RSBN1L: variants seen among roughly 807,000 people sequenced by gnomAD.
RSBN1L encodes lysine-specific demethylase RSBN1L.
In RSBN1L, 30 loss-of-function variants were observed where a neutral mutation model predicts 67.7. That is an observed-to-expected ratio of 0.44 (90% confidence interval 0.33 to 0.60). RSBN1L has a LOEUF of 0.60. Among genes scored for constraint, RSBN1L ranks in the 20% least tolerant of loss-of-function variants. RSBN1L has a pLI of 0.02. For synonymous variants in RSBN1L, 433 were observed against 387.0 expected (o/e 1.12, Z -1.39); for missense variants, 992 against 1,031.7 (o/e 0.96, Z 0.53).
At chr7:77,751,120 AG>A (rs1424159706) in intron 3 of RSBN1L, among the ~76,000 whole-genome samples, 1 of 151,134 alleles carries the variant, frequency 6.6e-6, no homozygotes, top group Non-Finnish European at 1.5e-5. Flanking sequence ...TATATTCTGT[AG>A]TAGATTGTAG....
chr7:77,768,850 T>C, intron 5 of RSBN1L, 47 bp downstream of exon 5: 1 of 1,563,640 alleles, frequency 6.4e-7, no homozygotes, highest in East Asian at 2.2e-5. Context: ...TGTTTGTATG[T>C]TGGGGTGTGT....
intron 1 of RSBN1L, among the ~76,000 whole-genome samples, chr7:77,698,240 A>G (rs1317799956): frequency 6.6e-6 from 1 of 152,178 alleles, no homozygotes; most frequent in Admixed American, 6.5e-5. Context: ...GCCATCAGGG[A>G]CTCTGGTGCA....
chr7:77,773,411 G>T, intron 6 of RSBN1L, 97 bp downstream of exon 6: 4 of 876,238 alleles, frequency 4.6e-6, no homozygotes, highest in Non-Finnish European at 6.6e-6. Flanking sequence ...TGGGAAAAAA[G>T]TTTCATTTTT....
chr7:77,732,270 A>G (rs1264518805), intron 1 of RSBN1L, among the ~76,000 whole-genome samples: 1 of 152,214 alleles, frequency 6.6e-6, no homozygotes, highest in Non-Finnish European at 1.5e-5. Flanking sequence ...ATTATAGTAA[A>G]CAGTGATGCC....
At chr7:77,732,853 A>C (rs909201082) in intron 1 of RSBN1L, among the ~76,000 whole-genome samples, 1 of 152,212 alleles carries the variant, frequency 6.6e-6, no homozygotes, top group Non-Finnish European at 1.5e-5. Context: ...TCCATTTTAC[A>C]GCTGCAACTG....
At chr7:77,709,973 A>G (rs965412327) in intron 1 of RSBN1L, among the ~76,000 whole-genome samples, 8 of 152,192 alleles carry the variant, frequency 5.3e-5, no homozygotes, top group South Asian at 2.1e-4. Flanking sequence ...TCTCAGTACC[A>G]TATACCTAGT....
intron 2 of RSBN1L, among the ~76,000 whole-genome samples, chr7:77,740,935 T>A (rs187182654): frequency 6.6e-6 from 1 of 152,000 alleles, no homozygotes; most frequent in East Asian, 1.9e-4. Flanking sequence ...CTTTGTGCAT[T>A]TGTATGTGGC....
intron 3 of RSBN1L, among the ~76,000 whole-genome samples, chr7:77,756,852 G>T (rs774513377): frequency 2.4e-4 from 37 of 151,992 alleles, no homozygotes; most frequent in Non-Finnish European, 5.0e-4. Flanking sequence ...ATCGATAAAA[G>T]AGTATATATA....
At chr7:77,715,025 A>G (rs1314428958) in intron 1 of RSBN1L, among the ~76,000 whole-genome samples, 1 of 151,446 alleles carries the variant, frequency 6.6e-6, no homozygotes, top group African/African-American at 2.4e-5. Flanking sequence ...TAATCCCAGT[A>G]CTTTGGTAGG....
intron 1 of RSBN1L, among the ~76,000 whole-genome samples, chr7:77,716,456 CT>C (rs371514466): frequency 3.4e-3 from 471 of 140,354 alleles, no homozygotes; most frequent in African/African-American, 0.01. Context: ...TGTCTGGCTC[CT>C]TTTTTTTTTT....
chr7:77,746,424 A>C (rs968973515), intron 2 of RSBN1L, among the ~76,000 whole-genome samples: 1 of 152,090 alleles, frequency 6.6e-6, no homozygotes, highest in Non-Finnish European at 1.5e-5. Context: ...CCAAGGGGGA[A>C]ATTCACCCCC....
intron 5 of RSBN1L, among the ~76,000 whole-genome samples, chr7:77,769,412 G>A (rs1371735701): frequency 6.6e-6 from 1 of 152,202 alleles, no homozygotes; most frequent in South Asian, 2.1e-4. Flanking sequence ...AGAGGAAGAT[G>A]TATTTAATGA....
chr7:77,769,691 A>G (rs766704517), intron 5 of RSBN1L, among the ~76,000 whole-genome samples: 25 of 152,330 alleles, frequency 1.6e-4, no homozygotes, highest in Non-Finnish European at 1.5e-5. Context: ...TTAATGTACA[A>G]AGAGCATTCT....
At chr7:77,758,950 C>T (rs758906929) in intron 3 of RSBN1L, among the ~76,000 whole-genome samples, 5 of 152,182 alleles carry the variant, frequency 3.3e-5, no homozygotes, top group Non-Finnish European at 5.9e-5. Context: ...ACCACCCTTC[C>T]TCCACTTCCA....
rs1791957093 is a variant in RSBN1L, at chr7:77,778,973, T to C, written c.2346T>C (p.Asp782=). The change falls in exon 8 of 8, where the codon GAT becomes GAC. Residue 782 remains aspartate, a synonymous_variant. Transcript: ENST00000334955. ...PEKTTALNNM[D]GKNVKAKLDH... ...AGACTACAGCACTGAATAATATGGA[T>C]GGCAAGAATGTTAAAGCAAAATTGG... is the stretch of plus-strand genomic sequence containing the variant. 6.2e-7 allele frequency: 1 copy of C among 1,613,906 alleles called. No homozygotes were observed. Among genetic ancestry groups the C allele is most frequent in the Non-Finnish European group, 8.5e-7 (1 of 1,179,936 alleles).
intron 2 of RSBN1L, among the ~76,000 whole-genome samples, chr7:77,748,217 A>G (rs1791509167): frequency 2.6e-5 from 4 of 152,226 alleles, no homozygotes; most frequent in African/African-American, 7.2e-5. Context: ...ATATGGCTGT[A>G]GCATTCAGGA....
chr7:77,700,613 T>C lies in RSBN1L; in HGVS notation c.586+3558T>C, dbSNP rs541925746. On this transcript the variant is annotated intron_variant, in intron 1 of 7. Transcript: ENST00000334955. ...CTCCAGTATTGTTACTGTACAATTT[T>C]AGGTTAAATTCATATTCAGAGTTTT... Among the ~76,000 whole-genome samples the C allele has an allele frequency of 6.6e-5, 10 of 152,382 alleles. No homozygotes were observed. The East Asian group carries it at 1.9e-3, about 29-fold the overall frequency.
At chr7:77,765,194 TGTTA>T (rs1408865079) in intron 3 of RSBN1L, among the ~76,000 whole-genome samples, 1 of 152,182 alleles carries the variant, frequency 6.6e-6, no homozygotes, top group Non-Finnish European at 1.5e-5. Flanking sequence ...TCTAAGGAGA[TGTTA>T]GTTGTCTAGA....
rs763699080 is a variant in RSBN1L, at chr7:77,736,553, C to G, written c.703+27C>G. 7.2e-6 allele frequency: 9 copies of G among 1,245,770 alleles called. No individual in the cohort carries two copies. The African/African-American group carries it at 7.9e-5, about 11-fold the overall frequency. The allele number at this position is 1,245,770 out of a possible 1,614,324, so 77.2% of individuals were successfully genotyped here. On this transcript the variant is annotated intron_variant, in intron 2 of 7. Transcript: ENST00000334955. The stretch of plus-strand genomic sequence containing the variant: ...TAAGTTTTATTCAGTGATTTTAGTT[C>G]TACTTTATTATACTGTTCAGTATCT...
Sources: gnomAD v4.1 joint callset for allele counts (sites outside exome capture counted in the v4.1 genomes callset) on GRCh38, gnomAD v4.1.1 for gene constraint, MANE v1.5 for transcripts, NCBI Gene and HGNC (gene_info 2026-07-23, HGNC 2026-07-21) for gene names.